EIF4G3: variants seen among roughly 807,000 people sequenced by gnomAD.
EIF4G3 encodes the protein eukaryotic translation initiation factor 4 gamma 3, also known as eIF-4-gamma 3.
In EIF4G3, 34 loss-of-function variants were observed where a neutral mutation model predicts 186.4. The observed-to-expected ratio is 0.18, with a 90% CI of 0.14 to 0.24. EIF4G3 has a LOEUF of 0.24. EIF4G3 is among the 10% of genes least tolerant of loss of function. The pLI, the probability that EIF4G3 is intolerant of heterozygous loss-of-function variation, is 1.00. For missense variants in EIF4G3, 1,536 were observed against 1,948.5 expected (o/e 0.79, Z 3.99); for synonymous variants, 673 against 679.5 (o/e 0.99, Z 0.15).
chr1:21,131,320 A>AG (rs946792304), intron 2 of EIF4G3, among the ~76,000 whole-genome samples: 2 of 136,032 alleles, frequency 1.5e-5, no homozygotes, highest in Non-Finnish European at 3.3e-5. Context: ...AACATAGGGA[A>AG]GAAAAAAAAA....
intron 20 of EIF4G3, among the ~76,000 whole-genome samples, 164 bp from the exon 21 acceptor site, chr1:20,865,426 T>C (rs759141743): frequency 5.9e-5 from 9 of 152,210 alleles, no homozygotes; most frequent in Non-Finnish European, 1.0e-4. Context: ...AACAGTAATA[T>C]GTCTTAAATT....
intron 2 of EIF4G3, among the ~76,000 whole-genome samples, chr1:21,154,531 T>C (rs1252170146): frequency 6.6e-6 from 1 of 152,224 alleles, no homozygotes; most frequent in African/African-American, 2.4e-5. Context: ...CTGTCATAAG[T>C]AGCCTCCGCT....
chr1:20,941,030 C>T (rs551232162), intron 14 of EIF4G3, among the ~76,000 whole-genome samples: 1 of 152,294 alleles, frequency 6.6e-6, no homozygotes, highest in South Asian at 2.1e-4. Flanking sequence ...GTTCTGATTG[C>T]TATCTTCCTA....
At chr1:21,029,269 C>G (rs1436272995) in intron 4 of EIF4G3, among the ~76,000 whole-genome samples, 3 of 152,050 alleles carry the variant, frequency 2.0e-5, no homozygotes, top group Non-Finnish European at 4.4e-5. Context: ...ATCCGCCTGC[C>G]TCAGCCTCCC....
chr1:21,172,063 T>C (rs1398986240), intron 2 of EIF4G3, among the ~76,000 whole-genome samples: 1 of 145,106 alleles, frequency 6.9e-6, no homozygotes, highest in Non-Finnish European at 1.5e-5. Context: ...ATACAGAAAA[T>C]ACTTTGAATT....
intron 7 of EIF4G3, among the ~76,000 whole-genome samples, chr1:20,997,072 CTA>C (rs2082448800): frequency 6.6e-6 from 1 of 151,980 alleles, no homozygotes; most frequent in Non-Finnish European, 1.5e-5. Flanking sequence ...TATCTATTTT[CTA>C]TGTGTTCTAA....
At chr1:20,924,512 T>G (rs72652970) in intron 14 of EIF4G3, among the ~76,000 whole-genome samples, 1 of 152,218 alleles carries the variant, frequency 6.6e-6, no homozygotes, top group Non-Finnish European at 1.5e-5. Flanking sequence ...CTTTCGAAAT[T>G]TGACAATCTA....
intron 14 of EIF4G3, among the ~76,000 whole-genome samples, chr1:20,920,961 C>T (rs900164553): frequency 1.3e-5 from 2 of 152,118 alleles, no homozygotes; most frequent in African/African-American, 4.8e-5. Context: ...CTCTCTGTTG[C>T]TCCTCCAAAC....
rs1016017985 is a variant in EIF4G3 at position 21,145,069 on chromosome 1, G to C, written c.-272+31106C>G. Among the ~76,000 whole-genome samples the C allele has an allele frequency of 3.3e-5, 5 of 151,918 alleles. No homozygotes were observed. In the East Asian group the frequency reaches 9.6e-4, roughly 29 times the overall value. Reference sequence around the variant, plus strand: ...AAGGTGGGAGGACTGCTTGAGGCCAGGAGTTAAGAGACCAGCCTGGGCAAC... The same window carrying C: ...AAGGTGGGAGGACTGCTTGAGGCCACGAGTTAAGAGACCAGCCTGGGCAAC... On this transcript the variant is annotated intron_variant, in intron 2 of 36. Transcript: ENST00000602326.
chr1:20,807,307 G>C lies in EIF4G3; in HGVS notation c.*12C>G, dbSNP rs754443566. 3.2e-6 allele frequency: 5 copies of C among 1,554,426 alleles called. No homozygotes were observed. Among genetic ancestry groups the C allele is most frequent in the Non-Finnish European group, 4.4e-6 (5 of 1,145,340 alleles). The stretch of plus-strand genomic sequence containing the variant: ...AATTGTTTCTTTTGTTTCATTTTGT[G>C]TATTTGAAGTTTTAGTTATCCTCAG... On this transcript the variant is annotated 3_prime_UTR_variant, in exon 37 of 37. Transcript: ENST00000602326.
intron 4 of EIF4G3, among the ~76,000 whole-genome samples, chr1:21,042,653 T>C (rs192028989): frequency 5.3e-5 from 8 of 152,228 alleles, no homozygotes; most frequent in African/African-American, 4.8e-5. Flanking sequence ...TGAAAAGACA[T>C]ATATACCCAT....
chr1:21,015,269 C>T (rs1019208318), intron 4 of EIF4G3, among the ~76,000 whole-genome samples: 4 of 151,668 alleles, frequency 2.6e-5, no homozygotes, highest in African/African-American at 9.7e-5. Flanking sequence ...GTAACAGAAC[C>T]GAAGGGACTT....
At position 21,176,317 on chromosome 1, in the gene EIF4G3, C is replaced by A; in HGVS notation, c.-414G>T. On this transcript the variant is annotated 5_prime_UTR_variant, in exon 2 of 37. Coordinates refer to ENST00000602326, the MANE Select transcript of EIF4G3 (RefSeq NM_001391906.1). ...GGTACCGCTGCTGCCGCCGCCGCCG[C>A]CGCTCCGGTGCCGGGTCCGGTTCCT... The A allele has an allele frequency of 3.7e-6, 1 of 267,880 alleles. No individual in the cohort carries two copies. The highest frequency in any genetic ancestry group is 5.5e-5 in the Admixed American group (1 of 18,132). The allele number at this position is 267,880 out of a possible 1,614,324, so 16.6% of individuals were successfully genotyped here. A position where few individuals can be genotyped will look rare whatever the true frequency, so the allele number is the denominator to read the frequency against.
intron 7 of EIF4G3, among the ~76,000 whole-genome samples, chr1:20,994,627 A>AATTT (rs1558615949): frequency 2.7e-5 from 3 of 109,144 alleles, no homozygotes; most frequent in Non-Finnish European, 2.0e-5. Flanking sequence ...AAACATATAT[A>AATTT]CTTTTTTTTT....
intron 2 of EIF4G3, among the ~76,000 whole-genome samples, chr1:21,164,887 G>C (rs2097830088): frequency 6.6e-6 from 1 of 152,014 alleles, no homozygotes; most frequent in African/African-American, 2.4e-5. Context: ...GCCACTAAAT[G>C]AGAGAAAATA....
chr1:21,114,380 C>T (rs1339412342), intron 2 of EIF4G3, among the ~76,000 whole-genome samples: 1 of 152,152 alleles, frequency 6.6e-6, no homozygotes, highest in African/African-American at 2.4e-5. Flanking sequence ...CCACCCGCCT[C>T]GGCCTCCCAA....
chr1:21,121,843 A>G (rs892029886), intron 2 of EIF4G3, among the ~76,000 whole-genome samples: 1 of 152,178 alleles, frequency 6.6e-6, no homozygotes, highest in East Asian at 1.9e-4. Context: ...TTCCTTTACA[A>G]TGTATCTTAA....
intron 2 of EIF4G3, chr1:21,161,905 T>G (rs190425398): frequency 6.6e-5 from 10 of 150,620 alleles, no homozygotes; most frequent in Admixed American, 1.3e-4. Flanking sequence ...GAGGTGGAGG[T>G]TGCAGTGAGC....
intron 32 of EIF4G3, 53 bp from the exon 33 acceptor site, chr1:20,825,251 G>GAAAA (rs71585786): frequency 2.0e-4 from 47 of 231,682 alleles, no homozygotes; most frequent in African/African-American, 5.8e-4. Flanking sequence ...AGAAGAAACA[G>GAAAA]AAAAAAAAAA....
Sources: gnomAD v4.1 joint callset for allele counts (sites outside exome capture counted in the v4.1 genomes callset) on GRCh38, gnomAD v4.1.1 for gene constraint, MANE v1.5 for transcripts, NCBI Gene and HGNC (gene_info 2026-07-23, HGNC 2026-07-21) for gene names.